PEAK1: variants seen among roughly 807,000 people sequenced by gnomAD.
PEAK1 encodes the protein inactive tyrosine-protein kinase PEAK1.
Under a neutral mutation model 124.7 loss-of-function variants are expected in PEAK1, and 54 were observed. The ratio of observed to expected loss-of-function variants is 0.43; its 90% CI spans 0.35 to 0.54. PEAK1 has a LOEUF of 0.54. Ranked by LOEUF, PEAK1 falls within the 20% of genes least tolerant of loss-of-function variation. The pLI is 0.01. For missense variants in PEAK1, 2,046 were observed against 2,134.5 expected, an observed-to-expected ratio of 0.96 and a Z score of 0.82; for synonymous variants, 719 against 760.0, an observed-to-expected ratio of 0.95 and a Z score of 0.89.
At chr15:77,404,022 GT>G in intron 1 of PEAK1, 5 of 976,090 alleles carry the variant, frequency 5.1e-6, no homozygotes, top group Non-Finnish European at 6.1e-6. Context: ...ATAGTACCTG[GT>G]AGTTAAAAAC....
intron 1 of PEAK1, chr15:77,402,367 T>C (rs2142021109): frequency 1.0e-6 from 1 of 985,312 alleles, no homozygotes; most frequent in Non-Finnish European, 1.2e-6. Flanking sequence ...TTCCTTCTTC[T>C]CCTCTTTAAA....
chr15:77,195,837 C>T (rs921109543), intron 6 of PEAK1, among the ~76,000 whole-genome samples: 4 of 152,098 alleles, frequency 2.6e-5, no homozygotes, highest in Non-Finnish European at 2.9e-5. Flanking sequence ...CATGTGTTGC[C>T]GACGCTCCAT....
intron 6 of PEAK1, among the ~76,000 whole-genome samples, chr15:77,217,171 G>C (rs2059183587): frequency 1.4e-5 from 2 of 145,226 alleles, no homozygotes; most frequent in Non-Finnish European, 3.0e-5. Flanking sequence ...CGAGGTGGCA[G>C]TGAGCTGTGC....
intron 5 of PEAK1, among the ~76,000 whole-genome samples, chr15:77,270,870 G>A (rs1255540034): frequency 6.6e-6 from 1 of 152,068 alleles, no homozygotes; most frequent in Non-Finnish European, 1.5e-5. Flanking sequence ...GTAGGCATGG[G>A]CAAGGACTTC....
chr15:77,290,040 T>C (rs1245571827), intron 2 of PEAK1, among the ~76,000 whole-genome samples: 1 of 152,154 alleles, frequency 6.6e-6, no homozygotes, highest in East Asian at 1.9e-4. Flanking sequence ...ATGATTCAGC[T>C]CACCGCAACC....
intron 2 of PEAK1, among the ~76,000 whole-genome samples, chr15:77,313,642 GTA>G (rs1437371050): frequency 3.4e-4 from 34 of 99,712 alleles, no homozygotes; most frequent in Middle Eastern, 4.7e-3. Flanking sequence ...ATGTATGTAT[GTA>G]TGTATGTATG....
rs1251356042 is a variant in PEAK1 at position 77,335,113 on chromosome 15, G to A, written c.-603+30050C>T. 6 of 985,328 alleles carry A rather than the reference G, an allele frequency of 6.1e-6. No homozygotes were observed. The East Asian group carries it at 4.5e-4, about 74-fold the overall frequency. The allele number at this position is 985,328 out of a possible 1,614,324, so 61.0% of individuals were successfully genotyped here. ...AGATCTATAAACAGTGTTCACAAAT[G>A]CTTCTGGTCAAAGAGCCAAGAGAGG... On this transcript the variant is annotated intron_variant, in intron 2 of 9. Coordinates refer to ENST00000682557, the MANE Select transcript of PEAK1 (RefSeq NM_001385026.1).
In PEAK1 at chr15:77,180,752, C is replaced by T; in HGVS notation, c.1175G>A (p.Ser392Asn). Reference sequence around the variant, plus strand: ...TGATGAATCTTTATCCTGATTATTACTAGAGGGACTTTCATAATTGGGCTC... The same window carrying T: ...TGATGAATCTTTATCCTGATTATTATTAGAGGGACTTTCATAATTGGGCTC... ...EIEPNYESPSSNNQDKDSSQA... is the reference protein window; with the variant it reads ...EIEPNYESPSNNNQDKDSSQA... The change falls in exon 7 of 10, where the codon AGT becomes AAT. Residue 392 changes from serine (S) to asparagine (N), a missense_variant. Transcript: ENST00000682557. The T allele has an allele frequency of 6.2e-6, 10 of 1,614,038 alleles. No individual in the cohort carries two copies. Among genetic ancestry groups the T allele is most frequent in the Non-Finnish European group, 8.5e-6 (10 of 1,179,988 alleles).
chr15:77,235,801 C>T (rs2060095534), intron 6 of PEAK1, among the ~76,000 whole-genome samples: 2 of 152,222 alleles, frequency 1.3e-5, no homozygotes, highest in Non-Finnish European at 2.9e-5. Flanking sequence ...CAAGGTCCCC[C>T]CTGCTCTATG....
intron 9 of PEAK1, among the ~76,000 whole-genome samples, chr15:77,129,975 AG>A (rs2052718896): frequency 6.6e-6 from 1 of 152,208 alleles, no homozygotes; most frequent in African/African-American, 2.4e-5. Flanking sequence ...TGGCAATACC[AG>A]AGGGTCTTAA....
At chr15:77,124,904 A>C (rs2052243200) in intron 9 of PEAK1, among the ~76,000 whole-genome samples, 1 of 152,230 alleles carries the variant, frequency 6.6e-6, no homozygotes, top group Non-Finnish European at 1.5e-5. Flanking sequence ...ATTGGCCCCA[A>C]GATATGTGTT....
chr15:77,333,897 T>G (rs2066039894), intron 2 of PEAK1: 1 of 442,610 alleles, frequency 2.3e-6, no homozygotes, highest in Non-Finnish European at 3.0e-6. Context: ...TCTACAACAA[T>G]TTCAGACCAA....
intron 6 of PEAK1, 49 bp from the exon 7 acceptor site, chr15:77,182,089 G>A: frequency 7.5e-7 from 1 of 1,330,508 alleles, no homozygotes; most frequent in Non-Finnish European, 9.6e-7. Context: ...AAGGCACTAT[G>A]AGACTTACCA....
chr15:77,261,050 C>A (rs972901630), intron 5 of PEAK1, among the ~76,000 whole-genome samples: 7 of 152,214 alleles, frequency 4.6e-5, no homozygotes, highest in African/African-American at 7.2e-5. Context: ...AACAGACCTG[C>A]AGCTGAGGGT....
intron 8 of PEAK1, among the ~76,000 whole-genome samples, chr15:77,148,247 C>T (rs191047625): frequency 1.3e-5 from 2 of 152,208 alleles, no homozygotes; most frequent in African/African-American, 4.8e-5. Context: ...AGAGGACTCA[C>T]GGGAGATTCT....
At chr15:77,333,519 C>T in intron 2 of PEAK1, 1 of 851,794 alleles carries the variant, frequency 1.2e-6, no homozygotes, top group Non-Finnish European at 1.4e-6. Context: ...ATAATTTCTC[C>T]ACTACTTGAT....
intron 2 of PEAK1, chr15:77,348,813 G>GGGCGGC: frequency 1.1e-5 from 4 of 371,958 alleles, no homozygotes; most frequent in Non-Finnish European, 1.4e-5. Flanking sequence ...GAGGGGGCGG[G>GGGCGGC]CAGGTGGGGG....
At chr15:77,410,570 T>A (rs2072326237) in intron 1 of PEAK1, among the ~76,000 whole-genome samples, 1 of 152,258 alleles carries the variant, frequency 6.6e-6, no homozygotes, top group Non-Finnish European at 1.5e-5. Flanking sequence ...ACAAGCTAAA[T>A]AAATCTTCAT....
chr15:77,146,532 ACT>A (rs1348215292), intron 8 of PEAK1, among the ~76,000 whole-genome samples: 1 of 152,132 alleles, frequency 6.6e-6, no homozygotes, highest in African/African-American at 2.4e-5. Context: ...TAAATACTGC[ACT>A]CTCTCAACTA....
Sources: gnomAD v4.1 joint callset for allele counts (sites outside exome capture counted in the v4.1 genomes callset) on GRCh38, gnomAD v4.1.1 for gene constraint, MANE v1.5 for transcripts, NCBI Gene and HGNC (gene_info 2026-07-23, HGNC 2026-07-21) for gene names.